EPSTI1: variants seen among roughly 807,000 people sequenced by gnomAD.
The protein encoded by EPSTI1 is epithelial stromal interaction 1.
In EPSTI1, 66 loss-of-function variants were observed where a neutral mutation model predicts 49.9. The observed-to-expected ratio is 1.32, with a 90% CI of 1.08 to 1.62. The LOEUF (loss-of-function observed/expected upper bound fraction) is 1.62, where lower values mean the gene tolerates loss of function less well. Among genes scored for constraint, EPSTI1 ranks in the 40% most tolerant of loss-of-function variants. The pLI, the probability that EPSTI1 is intolerant of heterozygous loss-of-function variation, is 0.00. For missense variants in EPSTI1, 394 were observed against 365.5 expected (o/e 1.08, Z -0.64); for synonymous variants, 137 against 130.7 (o/e 1.05, Z -0.33).
chr13:42,968,953 C>CACACACACACACACACACACA, intron 3 of EPSTI1, 141 bp downstream of exon 3: 6 of 605,634 alleles, frequency 9.9e-6, no homozygotes, highest in African/African-American at 5.5e-5. Flanking sequence ...CACACACACA[C>CACACACACACACACACACACA]AATTAAATGC....
Position 42,969,165 on chromosome 13 carries a change from T to G in EPSTI1, c.260A>C (p.Glu87Ala). ...CTTCCACTTCTCCAGGTTGGCCAGC[T>G]CCTGCTCCGCAACTAAGCCAGGCGA... is the stretch of plus-strand genomic sequence containing the variant. ...RNEIQRIAEQ[E>A]LANLEKWKEQ... is the part of the protein sequence containing the mutation. The change falls in exon 3 of 11, where the codon GAG becomes GCG. Residue 87 changes from glutamate (E) to alanine (A), a missense_variant. By Grantham distance (107) the Glu-to-Ala change is moderately radical. Transcript: ENST00000313624. 1 of 1,614,042 alleles carries G rather than the reference T, an allele frequency of 6.2e-7. No homozygotes were observed. Among genetic ancestry groups the G allele is most frequent in the Admixed American group, 1.7e-5 (1 of 60,016 alleles).
chr13:42,945,271 G>A (rs9533315), intron 6 of EPSTI1, among the ~76,000 whole-genome samples: 23,449 of 152,138 alleles, frequency 0.15, 2,126 homozygotes, highest in East Asian at 0.37. Context: ...AAAATCACCA[G>A]ATCTCATGAG....
chr13:42,987,714 A>G (rs1378927763), intron 1 of EPSTI1, among the ~76,000 whole-genome samples: 2 of 152,216 alleles, frequency 1.3e-5, no homozygotes, highest in Non-Finnish European at 2.9e-5. Flanking sequence ...ATTTGTTCAC[A>G]TATTAATAAA....
At chr13:42,913,390 T>C (rs2037741743) in intron 8 of EPSTI1, among the ~76,000 whole-genome samples, 1 of 151,750 alleles carries the variant, frequency 6.6e-6, no homozygotes, top group South Asian at 2.1e-4. Context: ...AAAAAACTGG[T>C]AGAGGAATTA....
intron 5 of EPSTI1, among the ~76,000 whole-genome samples, chr13:42,962,459 C>G (rs1050676092): frequency 1.3e-5 from 2 of 152,062 alleles, no homozygotes; most frequent in African/African-American, 4.8e-5. Flanking sequence ...GGGAAAAACA[C>G]TACTTTTAGA....
intron 8 of EPSTI1, among the ~76,000 whole-genome samples, chr13:42,912,508 C>A (rs2037716818): frequency 6.6e-6 from 1 of 152,050 alleles, no homozygotes; most frequent in African/African-American, 2.4e-5. Context: ...CATTCAGCAG[C>A]ATATCCAAAT....
At chr13:42,986,543 G>A (rs528027016) in intron 1 of EPSTI1, among the ~76,000 whole-genome samples, 6 of 152,186 alleles carry the variant, frequency 3.9e-5, no homozygotes, top group Non-Finnish European at 7.4e-5. Context: ...AGGAGTTCGA[G>A]ACCAGCCTGG....
chr13:42,921,866 G>GA (rs34619320), intron 7 of EPSTI1, among the ~76,000 whole-genome samples: 51 of 147,222 alleles, frequency 3.5e-4, no homozygotes, highest in African/African-American at 7.1e-4. Context: ...AGGAGGGAGA[G>GA]AAAAAAAAAA....
At chr13:42,933,271 G>T (rs2038438806) in intron 6 of EPSTI1, among the ~76,000 whole-genome samples, 6 of 135,528 alleles carry the variant, frequency 4.4e-5, no homozygotes, top group African/African-American at 8.4e-5. Flanking sequence ...TACTATTTTT[G>T]TATCTTCTCT....
At chr13:42,909,962 C>T (rs1285639559) in intron 8 of EPSTI1, among the ~76,000 whole-genome samples, 2 of 152,102 alleles carry the variant, frequency 1.3e-5, no homozygotes, top group African/African-American at 4.8e-5. Context: ...GCTCTCACCA[C>T]AAAAATAGTA....
chr13:42,894,004 A>G (rs2037115275), intron 10 of EPSTI1, among the ~76,000 whole-genome samples: 1 of 152,240 alleles, frequency 6.6e-6, no homozygotes, highest in South Asian at 2.1e-4. Flanking sequence ...AAATGAGCAT[A>G]TATTACGGAT....
intron 1 of EPSTI1, among the ~76,000 whole-genome samples, chr13:42,972,497 A>G (rs2039791669): frequency 6.6e-6 from 1 of 152,274 alleles, no homozygotes; most frequent in Non-Finnish European, 1.5e-5. Flanking sequence ...GTTGAATCTC[A>G]GGCCAAAGAT....
At chr13:42,951,980 T>C (rs1038383696) in intron 6 of EPSTI1, among the ~76,000 whole-genome samples, 4 of 152,256 alleles carry the variant, frequency 2.6e-5, no homozygotes, top group African/African-American at 9.6e-5. Context: ...TAGCTAGGAT[T>C]GTAAAACGCA....
intron 8 of EPSTI1, among the ~76,000 whole-genome samples, chr13:42,908,017 T>C (rs1594626806): frequency 3.3e-5 from 5 of 152,178 alleles, no homozygotes. Flanking sequence ...CAATAAACAG[T>C]AGTGGGAAAA....
chr13:42,972,624 C>T (rs1042007570), intron 1 of EPSTI1, among the ~76,000 whole-genome samples: 2 of 152,178 alleles, frequency 1.3e-5, no homozygotes, highest in African/African-American at 2.4e-5. Flanking sequence ...ATATGACCAT[C>T]CTTTAACTTT....
At chr13:42,916,622 A>C (rs1419209688) in intron 8 of EPSTI1, among the ~76,000 whole-genome samples, 1 of 152,252 alleles carries the variant, frequency 6.6e-6, no homozygotes, top group African/African-American at 2.4e-5. Context: ...CAAATCAAGG[A>C]AATCAAAATG....
intron 1 of EPSTI1, among the ~76,000 whole-genome samples, chr13:42,973,268 G>A (rs1363245514): frequency 1.3e-5 from 2 of 152,194 alleles, no homozygotes; most frequent in Non-Finnish European, 2.9e-5. Context: ...GCCAATGTGT[G>A]TAGCTTACAG....
At chr13:42,931,191 C>CTTT (rs57488808) in intron 6 of EPSTI1, among the ~76,000 whole-genome samples, 3 of 77,628 alleles carry the variant, frequency 3.9e-5, no homozygotes, top group African/African-American at 1.5e-4. Context: ...TTGCCTACAG[C>CTTT]TTTTTTTTTT....
Position 42,888,429 on chromosome 13 carries a change from GA to G in EPSTI1, c.*64del. On this transcript the variant is annotated 3_prime_UTR_variant, in exon 11 of 11. Transcript: ENST00000313624. ...GTGAGGCTGAACAAAATCACATTAA[GA>G]AAAAGCATCTCATGAGGCTTTTCGA... 1 of 1,614,068 alleles carries G rather than the reference GA, an allele frequency of 6.2e-7. No homozygotes were observed. The highest frequency in any genetic ancestry group is 1.3e-5 in the African/African-American group (1 of 75,008).
Sources: gnomAD v4.1 joint callset for allele counts (sites outside exome capture counted in the v4.1 genomes callset) on GRCh38, gnomAD v4.1.1 for gene constraint, MANE v1.5 for transcripts, NCBI Gene and HGNC (gene_info 2026-07-23, HGNC 2026-07-21) for gene names.